GLIS3: variants seen among roughly 807,000 people sequenced by gnomAD.
GLIS3 encodes the protein GLIS family zinc finger 3, also known as zinc finger protein GLIS3.
A neutral mutation model predicts 78.6 loss-of-function variants in GLIS3; 53 were observed. The observed-to-expected ratio is 0.67, with a 90% CI of 0.54 to 0.85. The LOEUF is 0.85. Ranked by LOEUF, GLIS3 falls within the 40% of genes least tolerant of loss-of-function variation. The pLI, the probability that GLIS3 is intolerant of heterozygous loss-of-function variation, is 0.00. For synonymous variants in GLIS3, 684 were observed against 509.9 expected, an observed-to-expected ratio of 1.34 and a Z score of -4.60; for missense variants, 1,703 against 1,231.1, an observed-to-expected ratio of 1.38 and a Z score of -5.74.
intron 9 of GLIS3, among the ~76,000 whole-genome samples, chr9:3,838,339 A>G (rs1028126805): frequency 6.7e-4 from 102 of 151,870 alleles, no homozygotes; most frequent in African/African-American, 2.3e-3. Flanking sequence ...CCAGTACTTA[A>G]GAGAGACCTA....
At chr9:4,166,812 G>A (rs1815885098) in intron 2 of GLIS3, among the ~76,000 whole-genome samples, 1 of 152,212 alleles carries the variant, frequency 6.6e-6, no homozygotes, top group Admixed American at 6.5e-5. Context: ...TCACCTAAGG[G>A]TAATTAAGAG....
intron 4 of GLIS3, among the ~76,000 whole-genome samples, chr9:4,052,854 C>T (rs914390818): frequency 6.6e-6 from 1 of 152,134 alleles, no homozygotes; most frequent in African/African-American, 2.4e-5. Context: ...AGTAGAATTG[C>T]TGGGTCACAT....
At chr9:3,853,292 G>C (rs1012508105) in intron 9 of GLIS3, among the ~76,000 whole-genome samples, 16 of 152,130 alleles carry the variant, frequency 1.1e-4, no homozygotes, top group Admixed American at 6.5e-5. Flanking sequence ...CTAAAAAAAA[G>C]AAATGTGGAA....
At chr9:4,392,098 G>T in the GLIS3 span, among the ~76,000 whole-genome samples, 5 of 152,222 alleles carry the variant, frequency 3.3e-5, no homozygotes, top group South Asian at 6.2e-4. Context: ...TCCTTTGCAG[G>T]GACATGGATG....
chr9:4,482,410 G>C, the GLIS3 span, among the ~76,000 whole-genome samples: 1 of 152,264 alleles, frequency 6.6e-6, no homozygotes, highest in Non-Finnish European at 1.5e-5. Context: ...GTTCTATCTA[G>C]ACTGAGATTG....
chr9:3,899,967 T>C (rs1390375525), intron 6 of GLIS3, among the ~76,000 whole-genome samples: 1 of 152,164 alleles, frequency 6.6e-6, no homozygotes, highest in Admixed American at 6.5e-5. Flanking sequence ...CTCTTGAAGA[T>C]GGCATTTATA....
At chr9:4,279,156 G>T (rs10814913) in intron 2 of GLIS3, among the ~76,000 whole-genome samples, 35,684 of 150,980 alleles carry the variant, frequency 0.24, 4,566 homozygotes, top group Admixed American at 0.27. Flanking sequence ...AAAAGTTTCC[G>T]GGCGTGGTGG....
intron 3 of GLIS3, 48 bp downstream of exon 3, chr9:4,125,686 G>A (rs1564087612): frequency 1.6e-6 from 2 of 1,251,690 alleles, no homozygotes; most frequent in Non-Finnish European, 2.3e-6. Context: ...ACACTTGTGG[G>A]GTGTGTTTAT....
In GLIS3 at chr9:3,842,198, G is replaced by A. The variant is rs560291106; in HGVS notation, c.2474-12706C>T. Among the ~76,000 whole-genome samples the A allele has an allele frequency of 8.5e-4, 129 of 152,290 alleles. 2 individuals are homozygous for A. Among genetic ancestry groups the A allele is most frequent in the African/African-American group, 2.9e-3 (122 of 41,568 alleles). ...CTTTTTAAAAGACTTCCCCAGCTGG[G>A]TGCGGTGGCTCACATCTGTAATCCC... On this transcript the variant is annotated intron_variant, in intron 9 of 10. Coordinates refer to ENST00000381971, the MANE Select transcript of GLIS3 (RefSeq NM_001042413.2).
chr9:4,081,893 GA>G (rs1026257885), intron 4 of GLIS3, among the ~76,000 whole-genome samples: 3 of 152,116 alleles, frequency 2.0e-5, no homozygotes. Flanking sequence ...TCTCAAACTT[GA>G]AAATGAAGGC....
chr9:3,830,628 G>T (rs996443812), intron 9 of GLIS3, among the ~76,000 whole-genome samples: 1 of 152,158 alleles, frequency 6.6e-6, no homozygotes, highest in Non-Finnish European at 1.5e-5. Flanking sequence ...ATTAATAGAG[G>T]AAGTACCCCA....
exon 1 of GLIS3, chr9:4,348,250 T>C (rs937734328): frequency 6.6e-5 from 10 of 152,298 alleles, no homozygotes; most frequent in African/African-American, 2.4e-4. Context: ...AATTCAGAAA[T>C]AGGCCATCCA....
chr9:4,354,833 G>C, the GLIS3 span, among the ~76,000 whole-genome samples: 1 of 152,114 alleles, frequency 6.6e-6, no homozygotes. Flanking sequence ...AGTTCCCTGA[G>C]TAGCCGGACA....
intron 4 of GLIS3, among the ~76,000 whole-genome samples, chr9:4,043,898 C>A (rs917308905): frequency 6.6e-6 from 1 of 152,156 alleles, no homozygotes; most frequent in East Asian, 1.9e-4. Flanking sequence ...TGGGGGCTCC[C>A]AGATATATCA....
At chr9:4,339,961 G>A (rs1266004298) in intron 2 of GLIS3, among the ~76,000 whole-genome samples, 1 of 149,442 alleles carries the variant, frequency 6.7e-6, no homozygotes, top group African/African-American at 2.5e-5. Flanking sequence ...GTGAACTTAA[G>A]AGCAAACATT....
intron 2 of GLIS3, among the ~76,000 whole-genome samples, chr9:4,268,229 T>TAAC (rs33987201): frequency 0.14 from 21,421 of 151,986 alleles, 1,619 homozygotes; most frequent in Non-Finnish European, 0.16. Context: ...GGAGTCATAA[T>TAAC]AACAACAACA....
chr9:4,397,452 G>C, the GLIS3 span, among the ~76,000 whole-genome samples: 1 of 151,600 alleles, frequency 6.6e-6, no homozygotes. Context: ...AGTACAGTCA[G>C]AATACTCAAC....
At chr9:4,306,372 A>T (rs1446568287) in intron 4 of GLIS3, among the ~76,000 whole-genome samples, 2 of 152,192 alleles carry the variant, frequency 1.3e-5, no homozygotes, top group East Asian at 3.8e-4. Context: ...ATGCAAGAGA[A>T]ATTCCATTTC....
At chr9:4,081,727 G>A (rs574532083) in intron 4 of GLIS3, among the ~76,000 whole-genome samples, 116 of 152,240 alleles carry the variant, frequency 7.6e-4, no homozygotes, top group African/African-American at 2.6e-3. Flanking sequence ...ACTCTGAATC[G>A]GATGCATCTC....
Sources: gnomAD v4.1 joint callset for allele counts (sites outside exome capture counted in the v4.1 genomes callset) on GRCh38, gnomAD v4.1.1 for gene constraint, MANE v1.5 for transcripts, NCBI Gene and HGNC (gene_info 2026-07-23, HGNC 2026-07-21) for gene names.